Variants in SLC25A21 observed in about 807,000 individuals in gnomAD.
SLC25A21 encodes mitochondrial 2-oxodicarboxylate carrier.
A neutral mutation model predicts 43.8 loss-of-function variants in SLC25A21; 47 were observed. The observed-to-expected ratio is 1.07, with a 90% CI of 0.85 to 1.37. SLC25A21 has a LOEUF of 1.37. Among genes scored for constraint, SLC25A21 ranks in the 40% most tolerant of loss-of-function variants. The probability of loss-of-function intolerance (pLI) is 0.00; values close to 1 mark genes in which losing one functional copy is unlikely to be tolerated. For synonymous variants in SLC25A21, 131 were observed against 121.3 expected, an observed-to-expected ratio of 1.08 and a Z score of -0.52; for missense variants, 352 against 350.2, an observed-to-expected ratio of 1.00 and a Z score of -0.04.
chr14:36,686,644 C>A (rs1212218646), intron 7 of SLC25A21, among the ~76,000 whole-genome samples: 2 of 152,302 alleles, frequency 1.3e-5, no homozygotes, highest in South Asian at 2.1e-4. Context: ...TATTATGTAG[C>A]CTGTTTTCTA....
chr14:37,044,717 G>T (rs979750742), intron 1 of SLC25A21, among the ~76,000 whole-genome samples: 1 of 152,136 alleles, frequency 6.6e-6, no homozygotes, highest in Non-Finnish European at 1.5e-5. Context: ...GTTCAGGCTT[G>T]TGAAGAAAAG....
rs549548654 is a variant in SLC25A21, at chr14:36,814,091, C to G, written c.120-90G>C. 18 of 794,968 alleles carry G rather than the reference C, an allele frequency of 2.3e-5. No homozygotes were observed. In the East Asian group the frequency reaches 4.4e-4, roughly 19 times the overall value. The allele number at this position is 794,968 out of a possible 1,614,324, so 49.2% of individuals were successfully genotyped here. A position where few individuals can be genotyped will look rare whatever the true frequency, so the allele number is the denominator to read the frequency against. On this transcript the variant is annotated intron_variant, in intron 2 of 9. Coordinates refer to ENST00000331299, the MANE Select transcript of SLC25A21 (RefSeq NM_030631.4). ...TTAAAGTCTTAGAAACTCAGCTTTTCAGATTAATCTAGAATATTCTGCTTT... is the reference window on the plus strand; with the variant it reads ...TTAAAGTCTTAGAAACTCAGCTTTTGAGATTAATCTAGAATATTCTGCTTT...
At chr14:36,821,337 C>T (rs1322804004) in intron 2 of SLC25A21, among the ~76,000 whole-genome samples, 1 of 148,790 alleles carries the variant, frequency 6.7e-6, no homozygotes, top group Non-Finnish European at 1.5e-5. Flanking sequence ...GATGACACTG[C>T]TGGTTTTGAA....
At chr14:36,888,149 G>A (rs1006675509) in intron 1 of SLC25A21, among the ~76,000 whole-genome samples, 4 of 152,162 alleles carry the variant, frequency 2.6e-5, no homozygotes, top group African/African-American at 9.7e-5. Context: ...GCCCAAATCT[G>A]ACCATAAATT....
intron 1 of SLC25A21, among the ~76,000 whole-genome samples, chr14:37,036,450 T>G (rs187811697): frequency 6.6e-6 from 1 of 150,414 alleles, no homozygotes; most frequent in African/African-American, 2.4e-5. Flanking sequence ...TTTTCTGAGT[T>G]AAAAAAAAAA....
intron 1 of SLC25A21, among the ~76,000 whole-genome samples, chr14:37,049,782 T>C (rs1961666802): frequency 6.6e-6 from 1 of 152,212 alleles, no homozygotes; most frequent in African/African-American, 2.4e-5. Flanking sequence ...GTATCCAAAA[T>C]ATTATCACTT....
intron 1 of SLC25A21, among the ~76,000 whole-genome samples, chr14:37,035,381 T>G (rs1329037287): frequency 1.3e-5 from 2 of 152,220 alleles, no homozygotes; most frequent in Admixed American, 1.3e-4. Flanking sequence ...TGTGAGTTGT[T>G]TTCTTCACGA....
At chr14:36,744,566 AC>A (rs1218586701) in intron 3 of SLC25A21, among the ~76,000 whole-genome samples, 3 of 152,202 alleles carry the variant, frequency 2.0e-5, no homozygotes, top group Non-Finnish European at 4.4e-5. Context: ...TAAATATAAG[AC>A]TTGAAACTAT....
At chr14:36,903,770 G>A (rs2138601596) in intron 1 of SLC25A21, among the ~76,000 whole-genome samples, 1 of 152,144 alleles carries the variant, frequency 6.6e-6, no homozygotes, top group South Asian at 2.1e-4. Context: ...ACAACCTGCT[G>A]GAGCTGAGTT....
At position 37,139,466 on chromosome 14, in the gene SLC25A21, T is replaced by A. The variant is rs114835624; in HGVS notation, c.70+32815A>T. On this transcript the variant is annotated intron_variant, in intron 1 of 9. Coordinates refer to ENST00000331299, the MANE Select transcript of SLC25A21 (RefSeq NM_030631.4). ...CTTATATTTCAACTTTTCAACATTA[T>A]ACTCTTAAATTTTTACTCACAAAAA... Among the ~76,000 whole-genome samples, 924 of 152,240 alleles carry A rather than the reference T, an allele frequency of 6.1e-3. 11 individuals are homozygous for A. Among genetic ancestry groups the A allele is most frequent in the African/African-American group, 0.022 (895 of 41,570 alleles).
chr14:36,683,953 T>C (rs1882410698), intron 8 of SLC25A21, 73 bp from the exon 9 acceptor site: 2 of 1,128,070 alleles, frequency 1.8e-6, no homozygotes, highest in Non-Finnish European at 2.6e-6. Context: ...TTTATTGAGA[T>C]AGGGACCCAG....
chr14:36,850,904 C>A (rs528866932), intron 2 of SLC25A21, among the ~76,000 whole-genome samples: 10 of 152,152 alleles, frequency 6.6e-5, no homozygotes, highest in Admixed American at 5.2e-4. Flanking sequence ...CACACAGGGA[C>A]CACGGCTGGC....
intron 3 of SLC25A21, among the ~76,000 whole-genome samples, chr14:36,788,493 C>G (rs1887331329): frequency 6.7e-6 from 1 of 149,254 alleles, no homozygotes; most frequent in Non-Finnish European, 1.5e-5. Flanking sequence ...TCTCCATAGC[C>G]CACCCCCTTT....
At chr14:37,156,508 T>C (rs1963853609) in intron 1 of SLC25A21, among the ~76,000 whole-genome samples, 1 of 152,050 alleles carries the variant, frequency 6.6e-6, no homozygotes, top group Non-Finnish European at 1.5e-5. Flanking sequence ...AAAACTATCT[T>C]CCAACTATAT....
At chr14:36,931,049 C>A (rs988261764) in intron 1 of SLC25A21, among the ~76,000 whole-genome samples, 10 of 152,088 alleles carry the variant, frequency 6.6e-5, no homozygotes, top group Non-Finnish European at 2.9e-5. Context: ...TGGGCTCCCA[C>A]AGACTCGGGT....
intron 1 of SLC25A21, among the ~76,000 whole-genome samples, chr14:37,001,604 C>T (rs556984429): frequency 6.6e-6 from 1 of 152,088 alleles, no homozygotes; most frequent in East Asian, 1.9e-4. Flanking sequence ...TCCTTCTTTC[C>T]TTTTTTTCAT....
intron 1 of SLC25A21, chr14:37,097,150 G>A (rs1239206489): frequency 1.3e-5 from 2 of 151,528 alleles, no homozygotes; most frequent in Non-Finnish European, 2.9e-5. Flanking sequence ...GCCCAGGCTG[G>A]AGCGCAGTGG....
intron 1 of SLC25A21, among the ~76,000 whole-genome samples, chr14:37,164,579 G>C (rs1425020605): frequency 6.6e-6 from 1 of 151,948 alleles, no homozygotes; most frequent in African/African-American, 2.4e-5. Context: ...ATTACCCCCT[G>C]GTGTATCAGC....
chr14:36,817,547 T>C (rs1371755894), intron 2 of SLC25A21, among the ~76,000 whole-genome samples: 2 of 152,156 alleles, frequency 1.3e-5, no homozygotes, highest in Admixed American at 6.6e-5. Context: ...TCAGGGTGCA[T>C]GGAGACCTGA....
Sources: allele counts gnomAD v4.1 joint callset (sites outside exome capture counted in the v4.1 genomes callset), GRCh38; gene constraint gnomAD v4.1.1; transcripts MANE v1.5; gene names NCBI Gene and HGNC (gene_info 2026-07-23, HGNC 2026-07-21).